ADCY2: variants seen among roughly 807,000 people sequenced by gnomAD.
ADCY2 encodes the protein adenylate cyclase 2.
Under a neutral mutation model 125.2 loss-of-function variants are expected in ADCY2, and 31 were observed. That is an observed-to-expected ratio of 0.25 (90% CI 0.19 to 0.33). The LOEUF (loss-of-function observed/expected upper bound fraction) is 0.33, where lower values mean the gene tolerates loss of function less well. Among genes scored for constraint, ADCY2 ranks in the 10% least tolerant of loss-of-function variants. The pLI is 1.00. For missense variants in ADCY2, 904 were observed against 1,418.2 expected (o/e 0.64, Z 5.82); for synonymous variants, 512 against 548.4 (o/e 0.93, Z 0.93).
intron 2 of ADCY2, among the ~76,000 whole-genome samples, chr5:7,459,588 G>A (rs1346689665): frequency 6.6e-6 from 1 of 152,046 alleles, no homozygotes; most frequent in Non-Finnish European, 1.5e-5. Context: ...TTGGCAACTT[G>A]AAGAGTCGTT....
At chr5:7,744,137 T>C (rs974442046) in intron 15 of ADCY2, among the ~76,000 whole-genome samples, 2 of 152,032 alleles carry the variant, frequency 1.3e-5, no homozygotes, top group Non-Finnish European at 2.9e-5. Context: ...AACCAAACAC[T>C]GCCTGTCCTC....
chr5:7,644,725 C>T (rs1738837899), intron 4 of ADCY2, among the ~76,000 whole-genome samples: 1 of 152,220 alleles, frequency 6.6e-6, no homozygotes, highest in South Asian at 2.1e-4. Context: ...TTTTGGCTTT[C>T]ACTTTCTTTT....
Position 7,712,913 on chromosome 5 carries a change from C to T in ADCY2, c.1622+14C>T, listed in dbSNP as rs1206551528. 6.3e-7 allele frequency: 1 copy of T among 1,577,954 alleles called. No homozygotes were observed. The highest frequency in any genetic ancestry group is 8.7e-7 in the Non-Finnish European group (1 of 1,148,336). ...TCGCACCTTAAGGTATGGTATCTCT[C>T]TATCTGATTTTTTAAAGCTTATTGC... On this transcript the variant is annotated intron_variant, in intron 11 of 24. Coordinates refer to ENST00000338316, the MANE Select transcript of ADCY2 (RefSeq NM_020546.3).
At chr5:7,401,929 A>G (rs1739277546) in intron 1 of ADCY2, among the ~76,000 whole-genome samples, 2 of 152,178 alleles carry the variant, frequency 1.3e-5, no homozygotes, top group Admixed American at 1.3e-4. Flanking sequence ...GCCACTTGAT[A>G]TTGACATCGA....
chr5:7,526,172 C>A (rs995053783), intron 3 of ADCY2, among the ~76,000 whole-genome samples: 2 of 152,220 alleles, frequency 1.3e-5, no homozygotes, highest in African/African-American at 4.8e-5. Flanking sequence ...ATTCTGGATG[C>A]ACCTCACACA....
chr5:7,683,922 T>G (rs1041252633), intron 4 of ADCY2, among the ~76,000 whole-genome samples: 1 of 152,220 alleles, frequency 6.6e-6, no homozygotes, highest in Non-Finnish European at 1.5e-5. Flanking sequence ...TTTGTCCTCC[T>G]CCTCAGAAGA....
intron 3 of ADCY2, among the ~76,000 whole-genome samples, chr5:7,544,468 C>G (rs558648670): frequency 7.2e-5 from 11 of 152,308 alleles, no homozygotes; most frequent in African/African-American, 2.6e-4. Context: ...CCTCACGTCT[C>G]CAATTTCCTC....
At chr5:7,452,678 T>G (rs1741518322) in intron 2 of ADCY2, among the ~76,000 whole-genome samples, 1 of 152,220 alleles carries the variant, frequency 6.6e-6, no homozygotes, top group South Asian at 2.1e-4. Flanking sequence ...ATCTCCATAT[T>G]GCTTTCTATT....
At chr5:7,541,766 A>G (rs1363493738) in intron 3 of ADCY2, among the ~76,000 whole-genome samples, 1 of 152,240 alleles carries the variant, frequency 6.6e-6, no homozygotes, top group Non-Finnish European at 1.5e-5. Flanking sequence ...TCTGATGGAA[A>G]TGGAATACAG....
At chr5:7,447,570 T>G (rs897852669) in intron 2 of ADCY2, among the ~76,000 whole-genome samples, 1 of 152,156 alleles carries the variant, frequency 6.6e-6, no homozygotes, top group Non-Finnish European at 1.5e-5. Context: ...TCAGCTTTGT[T>G]TGTCTGCCTT....
At chr5:7,440,450 G>A (rs73044528) in intron 2 of ADCY2, among the ~76,000 whole-genome samples, 7,705 of 152,082 alleles carry the variant, frequency 0.051, 668 homozygotes, top group African/African-American at 0.18. Context: ...TTCATTTTGC[G>A]TTTCAGAGTT....
At position 7,827,054 on chromosome 5, in the gene ADCY2, C is replaced by A; in HGVS notation, c.*183C>A. 1.4e-6 allele frequency: 1 copy of A among 697,562 alleles called. No individual in the cohort carries two copies. The highest frequency in any genetic ancestry group is 2.3e-6 in the Non-Finnish European group (1 of 436,408). The allele number at this position is 697,562 out of a possible 1,614,324, so 43.2% of individuals were successfully genotyped here. A position where few individuals can be genotyped will look rare whatever the true frequency, so the allele number is the denominator to read the frequency against. On this transcript the variant is annotated 3_prime_UTR_variant, in exon 25 of 25. Transcript: ENST00000338316. ...TCTGATGTGTGCCCAGATCGTTCTGCCACTTGCACTGTGCTTGCTCCTAAG... is the reference window on the plus strand; with the variant it reads ...TCTGATGTGTGCCCAGATCGTTCTGACACTTGCACTGTGCTTGCTCCTAAG...
intron 2 of ADCY2, among the ~76,000 whole-genome samples, chr5:7,456,257 G>A (rs1384915853): frequency 1.3e-5 from 2 of 152,076 alleles, no homozygotes. Flanking sequence ...TATGAATTTG[G>A]TATTGATTTA....
At chr5:7,415,168 A>G (rs1739890751) in intron 2 of ADCY2, among the ~76,000 whole-genome samples, 1 of 152,214 alleles carries the variant, frequency 6.6e-6, no homozygotes, top group Non-Finnish European at 1.5e-5. Context: ...CAATTTTGAA[A>G]TATACAATAC....
intron 3 of ADCY2, among the ~76,000 whole-genome samples, chr5:7,579,816 G>A (rs1261802746): frequency 1.3e-5 from 2 of 152,160 alleles, no homozygotes; most frequent in Non-Finnish European, 2.9e-5. Context: ...GAGCATGCAA[G>A]AATTTTAAAG....
intron 14 of ADCY2, among the ~76,000 whole-genome samples, chr5:7,741,964 T>A (rs1316117909): frequency 6.6e-6 from 1 of 151,782 alleles, no homozygotes; most frequent in Non-Finnish European, 1.5e-5. Context: ...CATCATCAGA[T>A]AATTTTATAC....
At chr5:7,790,225 CCT>C (rs1394723208) in intron 20 of ADCY2, among the ~76,000 whole-genome samples, 11 of 152,282 alleles carry the variant, frequency 7.2e-5, no homozygotes, top group Non-Finnish European at 1.5e-4. Flanking sequence ...CCACACGCCC[CCT>C]GTTTCCCCAC....
At chr5:7,406,255 G>C (rs1439195901) in intron 1 of ADCY2, among the ~76,000 whole-genome samples, 1 of 152,118 alleles carries the variant, frequency 6.6e-6, no homozygotes, top group Non-Finnish European at 1.5e-5. Flanking sequence ...CAGAATCTAG[G>C]ATCTCTAAGG....
chr5:7,616,453 T>C (rs1303669708), intron 3 of ADCY2, among the ~76,000 whole-genome samples: 1 of 152,254 alleles, frequency 6.6e-6, no homozygotes, highest in Non-Finnish European at 1.5e-5. Context: ...AGTTCTATTG[T>C]TGGCTTGTTT....
Sources: allele counts gnomAD v4.1 joint callset (sites outside exome capture counted in the v4.1 genomes callset), GRCh38; gene constraint gnomAD v4.1.1; transcripts MANE v1.5; gene names NCBI Gene and HGNC (gene_info 2026-07-23, HGNC 2026-07-21).